The following GPC5 variants were observed in gnomAD, a reference collection of about 807,000 sequenced individuals.
The protein encoded by GPC5 is glypican-5.
In GPC5, 47 loss-of-function variants were observed where a neutral mutation model predicts 53.9. The ratio of observed to expected loss-of-function variants is 0.87; its 90% CI spans 0.69 to 1.11. GPC5 has a LOEUF of 1.11. GPC5 is among the 50% of genes most tolerant of loss of function. GPC5 has a pLI of 0.00. For missense variants in GPC5, 748 were observed against 713.1 expected (o/e 1.05, Z -0.56); for synonymous variants, 286 against 263.3 (o/e 1.09, Z -0.84).
intron 5 of GPC5, among the ~76,000 whole-genome samples, chr13:91,907,317 A>G (rs1391578667): frequency 6.8e-6 from 1 of 147,966 alleles, no homozygotes; most frequent in Non-Finnish European, 1.5e-5. Context: ...ATCATGTCCA[A>G]TTGATATTAT....
chr13:92,276,694 G>T (rs1189679734), intron 7 of GPC5, among the ~76,000 whole-genome samples: 1 of 151,954 alleles, frequency 6.6e-6, no homozygotes, highest in Non-Finnish European at 1.5e-5. Context: ...ACTATGTTTT[G>T]CTCTATGAAT....
At chr13:91,522,477 TTTTTC>T (rs754506830) in intron 2 of GPC5, among the ~76,000 whole-genome samples, 1 of 152,192 alleles carries the variant, frequency 6.6e-6, no homozygotes, top group African/African-American at 2.4e-5. Context: ...TGCGCACTCT[TTTTTC>T]TTTTATTTTT....
intron 7 of GPC5, among the ~76,000 whole-genome samples, chr13:92,218,979 C>T (rs141662741): frequency 1.3e-5 from 2 of 152,130 alleles, no homozygotes; most frequent in African/African-American, 2.4e-5. Context: ...TCAGGCCCAA[C>T]GTTAAAGGAA....
chr13:91,440,250 A>G (rs1394144228), intron 1 of GPC5, among the ~76,000 whole-genome samples: 3 of 152,088 alleles, frequency 2.0e-5, no homozygotes, highest in Non-Finnish European at 4.4e-5. Context: ...ATTATCCCAC[A>G]GGTCCGTAAG....
rs570616760 is a variant in GPC5 at position 91,411,087 on chromosome 13, G to A, written c.163+11878G>A. ...TTGTGCCACTGCACTCCAGCCTGGCGTCAGAGCGAGACTCTGTCTCAAAAA... is the reference window on the plus strand; with the variant it reads ...TTGTGCCACTGCACTCCAGCCTGGCATCAGAGCGAGACTCTGTCTCAAAAA... On this transcript the variant is annotated intron_variant, in intron 1 of 7. Transcript: ENST00000377067. Among the ~76,000 whole-genome samples, 60 of 152,288 alleles carry A rather than the reference G, an allele frequency of 3.9e-4. 1 individual carries two copies. The highest frequency in any genetic ancestry group is 1.0e-3 in the African/African-American group (42 of 41,560).
At chr13:92,719,951 G>A (rs1225476933) in intron 7 of GPC5, 1 of 152,086 alleles carries the variant, frequency 6.6e-6, no homozygotes, top group Non-Finnish European at 1.5e-5. Context: ...CTTCTTCACA[G>A]ACCACAGGAA....
chr13:91,703,291 G>A (rs78226084), intron 3 of GPC5, among the ~76,000 whole-genome samples: 2,463 of 152,166 alleles, frequency 0.016, 63 homozygotes, highest in African/African-American at 0.056. Context: ...TCACTATTGA[G>A]TATAATGTTA....
intron 7 of GPC5, among the ~76,000 whole-genome samples, chr13:92,488,863 TA>T (rs1326101542): frequency 6.6e-6 from 1 of 152,190 alleles, no homozygotes; most frequent in Non-Finnish European, 1.5e-5. Flanking sequence ...ATCAATGTGC[TA>T]ACATAGCAAT....
At chr13:91,720,792 G>A (rs934373266) in intron 3 of GPC5, among the ~76,000 whole-genome samples, 9 of 151,982 alleles carry the variant, frequency 5.9e-5, no homozygotes, top group Non-Finnish European at 1.2e-4. Context: ...GTGCCCAGTC[G>A]CTTCAGACAA....
At chr13:92,198,956 G>T (rs1338082196) in intron 7 of GPC5, among the ~76,000 whole-genome samples, 2 of 152,242 alleles carry the variant, frequency 1.3e-5, no homozygotes, top group South Asian at 4.1e-4. Flanking sequence ...TTTTTCATAA[G>T]CAATATTGAT....
chr13:92,498,076 C>T (rs1880042480), intron 7 of GPC5, among the ~76,000 whole-genome samples: 1 of 152,108 alleles, frequency 6.6e-6, no homozygotes, highest in Non-Finnish European at 1.5e-5. Context: ...TTTGAATACT[C>T]TTTATTTCTT....
chr13:92,643,714 C>T (rs1885669338), intron 7 of GPC5, among the ~76,000 whole-genome samples: 1 of 146,894 alleles, frequency 6.8e-6, no homozygotes, highest in African/African-American at 2.5e-5. Flanking sequence ...ATATCACACT[C>T]TGGGGACTGT....
chr13:92,369,466 C>A (rs1442536433), intron 7 of GPC5, among the ~76,000 whole-genome samples: 1 of 152,232 alleles, frequency 6.6e-6, no homozygotes, highest in Non-Finnish European at 1.5e-5. Context: ...TCTGAGCCAC[C>A]ACCTTCAGCC....
chr13:92,056,257 T>C (rs1039240816), intron 6 of GPC5, among the ~76,000 whole-genome samples: 4 of 152,188 alleles, frequency 2.6e-5, no homozygotes, highest in Admixed American at 2.6e-4. Flanking sequence ...TTCAGAACTC[T>C]GTTTCCATCA....
chr13:92,570,690 A>C (rs1465576121), intron 7 of GPC5, among the ~76,000 whole-genome samples: 9 of 152,170 alleles, frequency 5.9e-5, no homozygotes, highest in Non-Finnish European at 1.3e-4. Flanking sequence ...GTGGATATGG[A>C]GGAAAATCCA....
At chr13:91,656,915 A>C (rs921247272) in intron 2 of GPC5, among the ~76,000 whole-genome samples, 1 of 152,180 alleles carries the variant, frequency 6.6e-6, no homozygotes, top group Non-Finnish European at 1.5e-5. Context: ...ATAAAAGGCT[A>C]AACGATGAAG....
intron 7 of GPC5, among the ~76,000 whole-genome samples, chr13:92,550,797 T>C (rs1882286229): frequency 6.6e-6 from 1 of 151,922 alleles, no homozygotes. Flanking sequence ...AACAGCAGCA[T>C]ATACAACATA....
At chr13:92,394,461 T>C (rs1875167791) in intron 7 of GPC5, among the ~76,000 whole-genome samples, 1 of 152,128 alleles carries the variant, frequency 6.6e-6, no homozygotes, top group South Asian at 2.1e-4. Flanking sequence ...ACTTTAGCTG[T>C]CTTTCTCCCA....
intron 7 of GPC5, among the ~76,000 whole-genome samples, chr13:92,204,549 A>G (rs1176849825): frequency 2.6e-5 from 4 of 152,020 alleles, no homozygotes; most frequent in Admixed American, 2.6e-4. Context: ...ACACAACACT[A>G]CCCTCTCTTT....
Sources: gnomAD v4.1 joint callset for allele counts (sites outside exome capture counted in the v4.1 genomes callset) on GRCh38, gnomAD v4.1.1 for gene constraint, MANE v1.5 for transcripts, NCBI Gene and HGNC (gene_info 2026-07-23, HGNC 2026-07-21) for gene names.